TBC1D12: variants seen among roughly 807,000 people sequenced by gnomAD.
TBC1D12 encodes TBC1 domain family member 12.
A neutral mutation model predicts 86.7 loss-of-function variants in TBC1D12; 56 were observed. The observed-to-expected ratio is 0.65, with a 90% CI of 0.52 to 0.81. The LOEUF (loss-of-function observed/expected upper bound fraction) is 0.81, where lower values mean the gene tolerates loss of function less well. Among genes scored for constraint, TBC1D12 ranks in the 30% least tolerant of loss-of-function variants. The pLI, the probability that TBC1D12 is intolerant of heterozygous loss-of-function variation, is 0.00. For synonymous variants in TBC1D12, 421 were observed against 411.7 expected (o/e 1.02, Z -0.27); for missense variants, 1,023 against 1,038.8 (o/e 0.98, Z 0.21).
chr10:94,460,163 C>T (rs993713290), intron 2 of TBC1D12, among the ~76,000 whole-genome samples: 9 of 152,184 alleles, frequency 5.9e-5, no homozygotes, highest in Admixed American at 2.6e-4. Context: ...ACCTGGGAGG[C>T]GGAAGTTGAG....
At chr10:94,462,380 T>C (rs1214101400) in intron 2 of TBC1D12, among the ~76,000 whole-genome samples, 2 of 152,108 alleles carry the variant, frequency 1.3e-5, no homozygotes, top group Non-Finnish European at 2.9e-5. Context: ...ATACAGGATA[T>C]TTAGTAGTAC....
At position 94,531,342 on chromosome 10, in the gene TBC1D12, T is replaced by A. The variant is rs560171364; in HGVS notation, c.2141T>A (p.Met714Lys). ...TTATATGAAGATATTCTCCTGCAGATGGACTTTATTCATATAGCACAGTTT... is the reference window on the plus strand; with the variant it reads ...TTATATGAAGATATTCTCCTGCAGAAGGACTTTATTCATATAGCACAGTTT... Reference protein sequence around the residue: ...LRLYEDILLQMDFIHIAQFLT... With the variant: ...LRLYEDILLQKDFIHIAQFLT... The change falls in exon 12 of 13, where the codon ATG becomes AAG. Residue 714 changes from methionine (M) to lysine (K), a missense_variant. This residue lies in a region of TBC1D12 where 395 missense variants were observed against 507.7 expected (regional missense o/e 0.78). Coordinates refer to ENST00000225235, the MANE Select transcript of TBC1D12 (RefSeq NM_015188.2). 4 of 1,614,196 alleles carry A rather than the reference T, an allele frequency of 2.5e-6. No individual in the cohort carries two copies. In the Admixed American group the frequency reaches 6.7e-5, roughly 27 times the overall value.
Position 94,533,803 on chromosome 10 carries a change from T to C in TBC1D12, c.*707T>C, listed in dbSNP as rs960431836. 6.6e-6 allele frequency: 1 copy of C among 152,188 alleles called. No individual in the cohort carries two copies. Among genetic ancestry groups the C allele is most frequent in the African/African-American group, 2.4e-5 (1 of 41,442 alleles). 9.4% of individuals were successfully genotyped at this position (152,188 alleles called of 1,614,324 possible). On this transcript the variant is annotated 3_prime_UTR_variant, in exon 13 of 13. Transcript: ENST00000225235. The stretch of plus-strand genomic sequence containing the variant: ...TGGTTCTAGTCTAACAAATTATTCA[T>C]CTAATAATTTGACATTAAGAAAACT...
chr10:94,406,647 T>C lies in TBC1D12; in HGVS notation c.971+3063T>C, dbSNP rs200226225. On this transcript the variant is annotated intron_variant, in intron 1 of 12. Coordinates refer to ENST00000225235, the MANE Select transcript of TBC1D12 (RefSeq NM_015188.2). Reference sequence around the variant, plus strand: ...GCAGAATCTCCATCCTCAGTGAAAATAATCAGAAATTACCCCTGTCTCACA... The same window carrying C: ...GCAGAATCTCCATCCTCAGTGAAAACAATCAGAAATTACCCCTGTCTCACA... Among the ~76,000 whole-genome samples the C allele has an allele frequency of 1.4e-4, 21 of 152,286 alleles. No individual in the cohort carries two copies. In the East Asian group the frequency reaches 3.9e-3, roughly 28 times the overall value.
At position 94,535,686 on chromosome 10, in the gene TBC1D12, A is replaced by G. The variant is rs1439376847; in HGVS notation, c.*2590A>G. Reference sequence around the variant, plus strand: ...TCCTTGGTATTGGTATCCTTGATAGAGGGAATATAACATCTGGCAGTAATC... The same window carrying G: ...TCCTTGGTATTGGTATCCTTGATAGGGGGAATATAACATCTGGCAGTAATC... On this transcript the variant is annotated 3_prime_UTR_variant, in exon 13 of 13. Coordinates refer to ENST00000225235, the MANE Select transcript of TBC1D12 (RefSeq NM_015188.2). 1 of 152,194 alleles carries G rather than the reference A, an allele frequency of 6.6e-6. No individual in the cohort carries two copies. Among genetic ancestry groups the G allele is most frequent in the Non-Finnish European group, 1.5e-5 (1 of 68,026 alleles). 9.4% of individuals were successfully genotyped at this position (152,194 alleles called of 1,614,324 possible).
Position 94,500,404 on chromosome 10 carries a change from A to G in TBC1D12, c.1519+77A>G, listed in dbSNP as rs1460509145. 9.0e-6 allele frequency: 11 copies of G among 1,217,698 alleles called. No homozygotes were observed. The Admixed American group carries it at 2.0e-4, about 22-fold the overall frequency. 75.4% of individuals were successfully genotyped at this position (1,217,698 alleles called of 1,614,324 possible). A position where few individuals can be genotyped will look rare whatever the true frequency, so the allele number is the denominator to read the frequency against. On this transcript the variant is annotated intron_variant, in intron 6 of 12. Transcript: ENST00000225235. ...AGTTACATAGCAGATTAGTAGAGTG[A>G]CCATTAAAATAAATGGCCTTTATCA...
intron 5 of TBC1D12, among the ~76,000 whole-genome samples, chr10:94,499,226 A>G (rs1044160169): frequency 6.6e-6 from 1 of 152,210 alleles, no homozygotes; most frequent in Non-Finnish European, 1.5e-5. Flanking sequence ...ATTATTTATT[A>G]TAGTCACCAT....
intron 11 of TBC1D12, among the ~76,000 whole-genome samples, chr10:94,526,976 A>T (rs1263234624): frequency 1.3e-5 from 2 of 152,070 alleles, no homozygotes; most frequent in Non-Finnish European, 2.9e-5. Context: ...CATTTCCCTG[A>T]TGCTTAATTA....
chr10:94,417,918 ATT>A (rs886906632), intron 1 of TBC1D12, among the ~76,000 whole-genome samples: 2 of 150,064 alleles, frequency 1.3e-5, no homozygotes, highest in African/African-American at 4.9e-5. Flanking sequence ...CTGCCTAATT[ATT>A]TTTTTTTGAG....
At chr10:94,455,642 G>C (rs554395805) in intron 2 of TBC1D12, among the ~76,000 whole-genome samples, 1 of 152,056 alleles carries the variant, frequency 6.6e-6, no homozygotes, top group Non-Finnish European at 1.5e-5. Context: ...AGAATTGTTC[G>C]TAATAAGCCA....
intron 2 of TBC1D12, among the ~76,000 whole-genome samples, chr10:94,460,639 G>T (rs1200551620): frequency 1.3e-5 from 2 of 149,906 alleles, no homozygotes; most frequent in Non-Finnish European, 3.0e-5. Context: ...ATTTGGTGTT[G>T]ACATTAATTT....
chr10:94,419,646 GCGA>G (rs2055048733), intron 1 of TBC1D12, among the ~76,000 whole-genome samples: 1 of 152,136 alleles, frequency 6.6e-6, no homozygotes, highest in South Asian at 2.1e-4. Context: ...TCTAGCCTGG[GCGA>G]CAGAGCAAGA....
At chr10:94,497,217 T>C (rs748153710) in intron 5 of TBC1D12, 45 bp downstream of exon 5, 2 of 1,133,216 alleles carry the variant, frequency 1.8e-6, no homozygotes, top group Non-Finnish European at 2.5e-6. Context: ...TCTCCGAAGA[T>C]CTCATGTTTC....
chr10:94,426,958 A>G (rs185622106), intron 1 of TBC1D12, among the ~76,000 whole-genome samples: 2 of 152,322 alleles, frequency 1.3e-5, no homozygotes, highest in Admixed American at 6.5e-5. Context: ...AAAGTGTACA[A>G]TTTGATAGTT....
intron 3 of TBC1D12, among the ~76,000 whole-genome samples, chr10:94,483,011 T>A (rs143892001): frequency 1.3e-5 from 2 of 151,950 alleles, no homozygotes; most frequent in Non-Finnish European, 2.9e-5. Context: ...TAATACTCCA[T>A]TGTCTATATG....
At chr10:94,432,432 T>A (rs1275947413) in intron 1 of TBC1D12, among the ~76,000 whole-genome samples, 1 of 152,226 alleles carries the variant, frequency 6.6e-6, no homozygotes, top group Non-Finnish European at 1.5e-5. Flanking sequence ...TGTAATGATA[T>A]TTTAAAATTA....
chr10:94,409,378 T>A (rs1238298524), intron 1 of TBC1D12, among the ~76,000 whole-genome samples: 2 of 149,370 alleles, frequency 1.3e-5, no homozygotes, highest in Admixed American at 6.7e-5. Context: ...AATTAACTTT[T>A]TTTTTTTTTT....
chr10:94,433,813 G>A (rs999448059), intron 1 of TBC1D12, among the ~76,000 whole-genome samples: 1 of 151,940 alleles, frequency 6.6e-6, no homozygotes, highest in African/African-American at 2.4e-5. Context: ...CTATTTTATG[G>A]TGTCTCTGCT....
intron 3 of TBC1D12, among the ~76,000 whole-genome samples, chr10:94,488,255 G>A (rs1481353712): frequency 1.3e-5 from 2 of 151,540 alleles, no homozygotes; most frequent in African/African-American, 2.4e-5. Flanking sequence ...GGGTATGGTG[G>A]CACGTGCCTG....
Sources: gnomAD v4.1 joint callset for allele counts (sites outside exome capture counted in the v4.1 genomes callset) on GRCh38, gnomAD v4.1.1 for gene constraint, gnomAD v4.1.1 regional missense constraint, MANE v1.5 for transcripts, NCBI Gene and HGNC (gene_info 2026-07-23, HGNC 2026-07-21) for gene names.